Variants in POFUT4 observed in about 807,000 individuals in gnomAD.
POFUT4 encodes protein O-fucosyltransferase 4.
chr10:73,776,113 C>T, the POFUT4 span: 2 of 157,088 alleles, frequency 1.3e-5, no homozygotes, highest in Non-Finnish European at 2.8e-5. Context: ...TTTTTCTCAT[C>T]TCTTGCTTTA....
the POFUT4 span, chr10:73,773,388 C>T: frequency 1.2e-6 from 2 of 1,614,222 alleles, no homozygotes; most frequent in Non-Finnish European, 1.7e-6. Flanking sequence ...GGGCGCTGTG[C>T]CCGTGTACCG....
At chr10:73,777,058 T>G in the POFUT4 span, among the ~76,000 whole-genome samples, 1 of 152,202 alleles carries the variant, frequency 6.6e-6, no homozygotes, top group Non-Finnish European at 1.5e-5. Flanking sequence ...TACAGAAACC[T>G]TGCCATCATT....
At chr10:73,773,709 G>A in the POFUT4 span, 1 of 1,614,162 alleles carries the variant, frequency 6.2e-7, no homozygotes, top group Admixed American at 1.7e-5. Context: ...GGCCTCTCCC[G>A]GGGACAGCCC....
At chr10:73,775,193 A>G in the POFUT4 span, 1 of 544,154 alleles carries the variant, frequency 1.8e-6, no homozygotes, top group East Asian at 2.9e-5. Flanking sequence ...TTAAAAGATA[A>G]TCATCTAAAG....
chr10:73,774,678 T>A, the POFUT4 span: 1 of 150,872 alleles, frequency 6.6e-6, no homozygotes, highest in African/African-American at 2.5e-5. Context: ...CCAGCCTGGG[T>A]TGGAGTAAGA....
chr10:73,773,850 C>T, the POFUT4 span: 2 of 1,517,072 alleles, frequency 1.3e-6, no homozygotes, highest in Non-Finnish European at 8.8e-7. Flanking sequence ...GCTATCAAAT[C>T]ATTTACTTAC....
the POFUT4 span, chr10:73,775,890 G>T: frequency 3.5e-6 from 2 of 566,362 alleles, no homozygotes; most frequent in Non-Finnish European, 6.2e-6. Flanking sequence ...GAGATGGAGG[G>T]ATACAATTCT....
At chr10:73,776,782 C>T in the POFUT4 span, among the ~76,000 whole-genome samples, 11 of 152,256 alleles carry the variant, frequency 7.2e-5, no homozygotes, top group South Asian at 4.1e-4. Context: ...CTGGTTCAAG[C>T]GATTCTCCTG....
At chr10:73,779,259 A>G in the POFUT4 span, 1 of 103,594 alleles carries the variant, frequency 9.7e-6, no homozygotes, top group African/African-American at 3.7e-5. Flanking sequence ...ACCTCTGTCT[A>G]AAAAAAAAAA....
At chr10:73,775,368 C>T in the POFUT4 span, 3 of 1,521,512 alleles carry the variant, frequency 2.0e-6, no homozygotes, top group African/African-American at 2.7e-5. Context: ...GACTTACTGC[C>T]TGTCGCTTGG....
the POFUT4 span, chr10:73,779,679 T>C: frequency 6.6e-6 from 1 of 151,972 alleles, no homozygotes; most frequent in Non-Finnish European, 1.5e-5. Context: ...TAATTTAGAG[T>C]GCATAATTAT....
At chr10:73,777,881 G>T in the POFUT4 span, among the ~76,000 whole-genome samples, 1 of 131,510 alleles carries the variant, frequency 7.6e-6, no homozygotes, top group African/African-American at 2.9e-5. Context: ...TTTTTTTGAG[G>T]CAGAGTCTCA....
At chr10:73,772,918 T>C in the POFUT4 span, 3 of 1,610,856 alleles carry the variant, frequency 1.9e-6, no homozygotes, top group East Asian at 6.7e-5. Flanking sequence ...GCCCGGTGCC[T>C]CCGCCCATGG....
At chr10:73,772,775 G>C in the POFUT4 span, 3 of 1,609,630 alleles carry the variant, frequency 1.9e-6, no homozygotes, top group Non-Finnish European at 2.5e-6. Flanking sequence ...CCTCCACGAG[G>C]AGTCGCCCCT....
At chr10:73,775,938 G>A in the POFUT4 span, 1 of 488,340 alleles carries the variant, frequency 2.0e-6, no homozygotes. Flanking sequence ...ACATCCATTT[G>A]ATTCAAGGTG....
chr10:73,773,122 TCCAGGAC>T, the POFUT4 span: 3 of 366,948 alleles, frequency 8.2e-6, no homozygotes, highest in South Asian at 8.5e-5. Flanking sequence ...ACTCCAGGTG[TCCAGGAC>T]TCCAGGTGTC....
chr10:73,773,671 C>T, the POFUT4 span: 5 of 1,614,260 alleles, frequency 3.1e-6, no homozygotes, highest in Non-Finnish European at 4.2e-6. Flanking sequence ...TACGAACTGG[C>T]TCGGCTGGAT....
At chr10:73,773,296 C>T in the POFUT4 span, 1 of 1,614,174 alleles carries the variant, frequency 6.2e-7, no homozygotes, top group Non-Finnish European at 8.5e-7. Flanking sequence ...GCTTTCTTGT[C>T]CCGCTATAAG....
chr10:73,776,216 C>A, the POFUT4 span: 3 of 151,998 alleles, frequency 2.0e-5, no homozygotes, highest in African/African-American at 7.2e-5. Context: ...ACTTTCATGT[C>A]AAACTTCTAT....
Sources: allele counts gnomAD v4.1 joint callset (sites outside exome capture counted in the v4.1 genomes callset), GRCh38; gene constraint gnomAD v4.1.1; transcripts MANE v1.5; gene names NCBI Gene and HGNC (gene_info 2026-07-23, HGNC 2026-07-21).